NBEA: variants seen among roughly 807,000 people sequenced by gnomAD.
The protein encoded by NBEA is neurobeachin, also known as lysosomal-trafficking regulator 2.
A neutral mutation model predicts 343.4 loss-of-function variants in NBEA; 44 were observed. The observed-to-expected ratio is 0.13, with a 90% CI of 0.10 to 0.16. The LOEUF is 0.16. Among genes scored for constraint, NBEA ranks in the 10% least tolerant of loss-of-function variants. NBEA has a pLI of 1.00. For synonymous variants in NBEA, 1,175 were observed against 1,238.7 expected, an observed-to-expected ratio of 0.95 and a Z score of 1.08; for missense variants, 2,555 against 3,631.3, an observed-to-expected ratio of 0.70 and a Z score of 7.62.
chr13:35,475,400 T>C (rs1452742262), intron 41 of NBEA: 1 of 1,613,664 alleles, frequency 6.2e-7, no homozygotes, highest in Non-Finnish European at 8.5e-7. Context: ...CACTTCTTTC[T>C]GCAGCCCCCC....
chr13:35,487,477 AACTCTGGAGGAT>A, intron 41 of NBEA, among the ~76,000 whole-genome samples: 1 of 151,914 alleles, frequency 6.6e-6, no homozygotes, highest in Non-Finnish European at 1.5e-5. Context: ...GGCAGGAAAG[AACTCTGGAGGAT>A]AATGCAATGT....
chr13:35,455,466 C>T (rs2046530906), intron 40 of NBEA, among the ~76,000 whole-genome samples: 2 of 151,022 alleles, frequency 1.3e-5, no homozygotes, highest in African/African-American at 4.9e-5. Flanking sequence ...GACATCAAAA[C>T]CAGCTTTTTT....
At chr13:35,564,646 C>T (rs867870846) in intron 44 of NBEA, among the ~76,000 whole-genome samples, 4 of 152,018 alleles carry the variant, frequency 2.6e-5, no homozygotes, top group Admixed American at 6.6e-5. Context: ...AATATGGCTC[C>T]GAACTCTTGT....
At chr13:35,078,057 C>A (rs1229294643) in intron 10 of NBEA, among the ~76,000 whole-genome samples, 1 of 152,070 alleles carries the variant, frequency 6.6e-6, no homozygotes. Flanking sequence ...AGTCTTACTA[C>A]CTGCTTTATA....
At chr13:35,128,224 TTAAAG>T (rs2067231044) in intron 17 of NBEA, among the ~76,000 whole-genome samples, 1 of 150,750 alleles carries the variant, frequency 6.6e-6, no homozygotes, top group African/African-American at 2.4e-5. Flanking sequence ...ACCCTAAAAC[TTAAAG>T]TATAATAATA....
intron 44 of NBEA, among the ~76,000 whole-genome samples, 198 bp from the exon 45 acceptor site, chr13:35,566,706 AT>A (rs1273982242): frequency 3.9e-5 from 6 of 152,242 alleles, no homozygotes; most frequent in Non-Finnish European, 8.8e-5. Flanking sequence ...TCACAGTCTT[AT>A]AAATAGTAAT....
At chr13:35,143,030 T>C (rs1425156767) in intron 18 of NBEA, among the ~76,000 whole-genome samples, 3 of 152,210 alleles carry the variant, frequency 2.0e-5, no homozygotes, top group African/African-American at 7.2e-5. Flanking sequence ...TGATCTTCAG[T>C]GGTCCCAGTT....
At chr13:35,424,499 G>A (rs537626896) in intron 38 of NBEA, among the ~76,000 whole-genome samples, 18 of 152,180 alleles carry the variant, frequency 1.2e-4, no homozygotes, top group South Asian at 6.2e-4. Context: ...GGGATGAAGC[G>A]CACTTGATCA....
intron 1 of NBEA, among the ~76,000 whole-genome samples, chr13:34,972,794 A>T (rs2060041198): frequency 6.6e-6 from 1 of 152,076 alleles, no homozygotes. Flanking sequence ...GAGCCACCAC[A>T]CCGGCCTGGT....
At chr13:35,307,095 T>G (rs1036676932) in intron 35 of NBEA, among the ~76,000 whole-genome samples, 5 of 152,100 alleles carry the variant, frequency 3.3e-5, no homozygotes, top group Non-Finnish European at 7.4e-5. Flanking sequence ...CCTGGTCATG[T>G]ACATTGAAAA....
chr13:35,129,186 T>C (rs1053305583), intron 17 of NBEA, among the ~76,000 whole-genome samples: 1 of 152,106 alleles, frequency 6.6e-6, no homozygotes, highest in Non-Finnish European at 1.5e-5. Flanking sequence ...GTTGTGTACA[T>C]GTACCCTAAA....
chr13:34,993,551 AG>A (rs945756301), intron 1 of NBEA, among the ~76,000 whole-genome samples: 1 of 152,202 alleles, frequency 6.6e-6, no homozygotes, highest in Non-Finnish European at 1.5e-5. Context: ...AAACTGCCAA[AG>A]ATTAGTGTGG....
intron 39 of NBEA, among the ~76,000 whole-genome samples, chr13:35,443,443 G>C (rs980678646): frequency 6.6e-6 from 1 of 151,844 alleles, no homozygotes; most frequent in Non-Finnish European, 1.5e-5. Context: ...ATCTATTTTG[G>C]ATTATTCAAT....
Position 35,171,366 on chromosome 13 carries a change from T to G in NBEA, c.4337T>G (p.Val1446Gly). ...SRLMAMVDVL[V>G]FASSLNFSEI... ...CTGATGGCTATGGTTGATGTACTTGTGTTTGCAAGCTCTCTAAATTTTAGT... is the reference window on the plus strand; with the variant it reads ...CTGATGGCTATGGTTGATGTACTTGGGTTTGCAAGCTCTCTAAATTTTAGT... The change falls in exon 26 of 59, where the codon GTG (valine) becomes GGG (glycine). Residue 1446 changes from valine to glycine, a missense_variant. Transcript: ENST00000379939. 1 of 1,612,028 alleles carries G rather than the reference T, an allele frequency of 6.2e-7. No homozygotes were observed. The highest frequency in any genetic ancestry group is 8.5e-7 in the Non-Finnish European group (1 of 1,178,476).
chr13:35,360,633 A>G (rs992866300), intron 38 of NBEA, among the ~76,000 whole-genome samples: 5 of 152,060 alleles, frequency 3.3e-5, no homozygotes, highest in African/African-American at 9.7e-5. Context: ...AAATGAATAG[A>G]CTGATAGATC....
intron 41 of NBEA, among the ~76,000 whole-genome samples, chr13:35,482,061 A>G (rs907752098): frequency 6.6e-6 from 1 of 151,816 alleles, no homozygotes; most frequent in Admixed American, 6.6e-5. Context: ...ATAGATAATC[A>G]ACTTCCAGTG....
intron 34 of NBEA, among the ~76,000 whole-genome samples, chr13:35,274,476 C>G (rs2034431592): frequency 6.6e-6 from 1 of 152,180 alleles, no homozygotes; most frequent in African/African-American, 2.4e-5. Flanking sequence ...CCCTCTCTCA[C>G]CACTCCTATT....
intron 41 of NBEA, among the ~76,000 whole-genome samples, chr13:35,526,796 G>A: frequency 6.6e-6 from 1 of 152,196 alleles, no homozygotes; most frequent in Admixed American, 6.5e-5. Context: ...AGGTGTGCTG[G>A]CTGTGGCAGG....
chr13:35,345,141 G>A (rs895127986), intron 36 of NBEA, among the ~76,000 whole-genome samples: 4 of 152,024 alleles, frequency 2.6e-5, no homozygotes, highest in Non-Finnish European at 5.9e-5. Context: ...CACATTAAAA[G>A]TGAAAACTTT....
Sources: allele counts gnomAD v4.1 joint callset (sites outside exome capture counted in the v4.1 genomes callset), GRCh38; gene constraint gnomAD v4.1.1; transcripts MANE v1.5; gene names NCBI Gene and HGNC (gene_info 2026-07-23, HGNC 2026-07-21).